The following FEZ2 variants were observed in gnomAD, a reference collection of about 807,000 sequenced individuals.
FEZ2 encodes the protein fasciculation and elongation protein zeta-2.
FEZ2 carries 51 observed loss-of-function variants against 40.4 expected under a neutral mutation model. That is an observed-to-expected ratio of 1.26 (90% CI 1.01 to 1.59). The LOEUF (loss-of-function observed/expected upper bound fraction) is 1.59, where lower values mean the gene tolerates loss of function less well. Ranked by LOEUF, FEZ2 falls within the 40% of genes most tolerant of loss-of-function variation. The pLI is 0.00. For synonymous variants in FEZ2, 242 were observed against 172.0 expected (o/e 1.41, Z -3.18); for missense variants, 640 against 438.3 (o/e 1.46, Z -4.11).
rs982206804 is a variant in FEZ2, at chr2:36,579,678, G to A, written c.635-813C>T. ...CTACCAGGCTTCCTGTATAGCCTGT[G>A]GAACCATTAGCCAATTAAACCTCTT... On this transcript the variant is annotated intron_variant, in intron 4 of 7. Transcript: ENST00000405912. Among the ~76,000 whole-genome samples, 5 of 152,024 alleles carry A rather than the reference G, an allele frequency of 3.3e-5. No individual in the cohort carries two copies. The South Asian group carries it at 6.2e-4, about 19-fold the overall frequency.
intron 5 of FEZ2, among the ~76,000 whole-genome samples, chr2:36,573,340 T>G (rs890411004): frequency 1.2e-4 from 19 of 152,214 alleles, no homozygotes; most frequent in African/African-American, 4.1e-4. Context: ...TAACACTAGA[T>G]GAACAGCAAC....
intron 2 of FEZ2, 75 bp from the exon 3 acceptor site, chr2:36,583,544 G>A (rs1668818725): frequency 3.8e-6 from 3 of 789,716 alleles, no homozygotes; most frequent in Non-Finnish European, 6.7e-6. Flanking sequence ...GAGTAAAAGA[G>A]GCTGCAGAGA....
At chr2:36,596,641 A>AG (rs1669232441) in intron 1 of FEZ2, among the ~76,000 whole-genome samples, 2 of 151,820 alleles carry the variant, frequency 1.3e-5, no homozygotes. Flanking sequence ...TTTTTTTTTA[A>AG]TTTTTTTGTA....
At chr2:36,585,817 G>A (rs848615) in intron 2 of FEZ2, among the ~76,000 whole-genome samples, 5,543 of 152,266 alleles carry the variant, frequency 0.036, 502 homozygotes, top group East Asian at 0.21. Flanking sequence ...TATAGTGTCA[G>A]GGATTGGCAA....
intron 6 of FEZ2, chr2:36,557,638 A>T (rs1667990221): frequency 6.6e-6 from 1 of 152,202 alleles, no homozygotes; most frequent in Non-Finnish European, 1.5e-5. Flanking sequence ...AATTGATAGT[A>T]ACTTAGCCAA....
intron 1 of FEZ2, among the ~76,000 whole-genome samples, chr2:36,592,665 A>AT (rs1388500224): frequency 6.6e-6 from 1 of 150,990 alleles, no homozygotes; most frequent in Non-Finnish European, 1.5e-5. Flanking sequence ...AAAAAAAAAA[A>AT]ATTGGCCAGG....
intron 5 of FEZ2, among the ~76,000 whole-genome samples, chr2:36,567,239 G>T (rs543557610): frequency 6.6e-6 from 1 of 151,786 alleles, no homozygotes; most frequent in African/African-American, 2.4e-5. Flanking sequence ...ATATCATGAG[G>T]TGTCTTGACT....
intron 5 of FEZ2, among the ~76,000 whole-genome samples, chr2:36,568,727 G>C (rs936173123): frequency 1.3e-5 from 2 of 152,198 alleles, no homozygotes; most frequent in African/African-American, 2.4e-5. Context: ...ATGTGGCAAG[G>C]ACGGAGGAAG....
Position 36,583,372 on chromosome 2 carries a change from G to C in FEZ2, c.473C>G (p.Pro158Arg), listed in dbSNP as rs761883727. 1.9e-6 allele frequency: 3 copies of C among 1,580,306 alleles called. No individual in the cohort carries two copies. In the South Asian group the frequency reaches 3.3e-5, roughly 17 times the overall value. ...CTATACCTGGTCTGCCGTGAAGAGG[G>C]GTTCATCATTAACACAGGAGACGAT... ...SIIVSCVNDE[P>R]LFTADQVIEE... The change falls in exon 3 of 8, where the codon CCC becomes CGC. Residue 158 changes from proline to arginine, a missense_variant. Physicochemically the swap from Pro to Arg is moderately radical, Grantham distance 103 (BLOSUM62 -2). Transcript: ENST00000405912.
intron 5 of FEZ2, among the ~76,000 whole-genome samples, chr2:36,571,844 GAA>G (rs979148998): frequency 1.5e-5 from 2 of 136,436 alleles, no homozygotes; most frequent in Non-Finnish European, 1.6e-5. Context: ...CACCTCTACT[GAA>G]AAAAAAAAAA....
Position 36,598,044 on chromosome 2 carries a change from C to A in FEZ2, c.99G>T (p.Gly33=). 1 of 1,502,760 alleles carries A rather than the reference C, an allele frequency of 6.7e-7. No homozygotes were observed. The highest frequency in any genetic ancestry group is 2.1e-5 in the Admixed American group (1 of 48,048). 93.1% of individuals were successfully genotyped at this position (1,502,760 alleles called of 1,614,324 possible). A position where few individuals can be genotyped will look rare whatever the true frequency, so the allele number is the denominator to read the frequency against. ...QENCNASPEP[G]AEAGAEAGGG... ...CACCCGCCTCGGCCCCCGCCTCCGC[C>A]CCAGGCTCGGGGCTCGCGTTACAGT... The change falls in exon 1 of 8, where the codon GGG becomes GGT. Residue 33 remains glycine (G), a synonymous_variant. Transcript: ENST00000405912.
intron 5 of FEZ2, among the ~76,000 whole-genome samples, chr2:36,563,363 T>A (rs1219840962): frequency 1.3e-5 from 2 of 152,190 alleles, no homozygotes; most frequent in Non-Finnish European, 2.9e-5. Context: ...TGCTGATGGC[T>A]GCTGAGTCAG....
intron 5 of FEZ2, chr2:36,560,875 G>A (rs750923190): frequency 3.2e-6 from 5 of 1,566,486 alleles, no homozygotes; most frequent in Admixed American, 1.7e-5. Context: ...GCTAAAGGCG[G>A]CAATATACGG....
At chr2:36,588,895 C>T (rs1176838766) in intron 2 of FEZ2, among the ~76,000 whole-genome samples, 5 of 151,710 alleles carry the variant, frequency 3.3e-5, no homozygotes, top group African/African-American at 1.2e-4. Context: ...GTCTCACTCA[C>T]GCTGCTAATG....
intron 4 of FEZ2, among the ~76,000 whole-genome samples, chr2:36,580,401 G>A (rs930036292): frequency 6.6e-6 from 1 of 152,196 alleles, no homozygotes; most frequent in African/African-American, 2.4e-5. Flanking sequence ...GACAACACGA[G>A]TTGAGCAGAT....
chr2:36,562,615 T>A (rs546877578), intron 5 of FEZ2, among the ~76,000 whole-genome samples: 1 of 152,344 alleles, frequency 6.6e-6, no homozygotes, highest in East Asian at 1.9e-4. Context: ...ACTGAAAGCA[T>A]AACTATTAGC....
intron 2 of FEZ2, among the ~76,000 whole-genome samples, chr2:36,584,477 G>A (rs1241768868): frequency 6.6e-6 from 1 of 152,132 alleles, no homozygotes; most frequent in Non-Finnish European, 1.5e-5. Context: ...AAAAAACTCA[G>A]CAGATTAAAA....
intron 6 of FEZ2, 57 bp from the exon 7 acceptor site, chr2:36,555,805 TATTTA>T (rs1667945047): frequency 9.1e-6 from 9 of 989,282 alleles, no homozygotes; most frequent in Non-Finnish European, 1.2e-5. Context: ...TCAAAAATAT[TATTTA>T]ATTTCAATCA....
intron 3 of FEZ2, among the ~76,000 whole-genome samples, chr2:36,582,331 A>G (rs1430018167): frequency 1.1e-4 from 17 of 152,224 alleles, no homozygotes. Flanking sequence ...TCCACCAAGG[A>G]AAAACAAAGG....
Sources: allele counts gnomAD v4.1 joint callset (sites outside exome capture counted in the v4.1 genomes callset), GRCh38; gene constraint gnomAD v4.1.1; transcripts MANE v1.5; gene names NCBI Gene and HGNC (gene_info 2026-07-23, HGNC 2026-07-21).